Variants in ANAPC16 observed in about 807,000 individuals in gnomAD.
The protein encoded by ANAPC16 is anaphase promoting complex subunit 16.
Under a neutral mutation model 13.1 loss-of-function variants are expected in ANAPC16, and 6 were observed. That is an observed-to-expected ratio of 0.46 (90% CI 0.25 to 0.90). The LOEUF is 0.90. ANAPC16 is among the 40% of genes least tolerant of loss of function. The probability of loss-of-function intolerance (pLI) is 0.18; values close to 1 mark genes in which losing one functional copy is unlikely to be tolerated. For synonymous variants in ANAPC16, 55 were observed against 51.3 expected (o/e 1.07, Z -0.31); for missense variants, 113 against 131.1 (o/e 0.86, Z 0.67).
rs1243609013 is a variant in ANAPC16, at chr10:72,234,881, T to G, written c.*1765T>G. The stretch of plus-strand genomic sequence containing the variant: ...AAAGCAAATTGGAGACTGGGCACAG[T>G]GGCTCCCACCTTTAATCCCAGCACC... On this transcript the variant is annotated 3_prime_UTR_variant, in exon 4 of 4. Coordinates refer to ENST00000299381, the MANE Select transcript of ANAPC16 (RefSeq NM_173473.4). The G allele has an allele frequency of 6.6e-6, 1 of 152,212 alleles. No individual in the cohort carries two copies. Among genetic ancestry groups the G allele is most frequent in the African/African-American group, 2.4e-5 (1 of 41,456 alleles). The allele number at this position is 152,212 out of a possible 1,614,324, so 9.4% of individuals were successfully genotyped here.
intron 1 of ANAPC16, among the ~76,000 whole-genome samples, chr10:72,218,157 AAAAAAAAAATATAT>A (rs1333840639): frequency 1.6e-4 from 8 of 50,268 alleles, no homozygotes; most frequent in East Asian, 5.6e-4. Context: ...AAAAAAAAAA[AAAAAAAAAATATAT>A]ATATATATAT....
At chr10:72,223,861 C>G in intron 1 of ANAPC16, 27 bp from the exon 2 acceptor site, 3 of 1,464,504 alleles carry the variant, frequency 2.0e-6, no homozygotes, top group Non-Finnish European at 2.8e-6. Context: ...CATAAACTTG[C>G]CAATTGCTGT....
rs567973372 is a variant in ANAPC16 at position 72,235,559 on chromosome 10, G to A, written c.*2443G>A. 6.6e-5 allele frequency: 10 copies of A among 152,216 alleles called. No individual in the cohort carries two copies. Among genetic ancestry groups the A allele is most frequent in the South Asian group, 6.2e-4 (3 of 4,824 alleles). The allele number at this position is 152,216 out of a possible 1,614,324, so 9.4% of individuals were successfully genotyped here. A position where few individuals can be genotyped will look rare whatever the true frequency, so the allele number is the denominator to read the frequency against. On this transcript the variant is annotated 3_prime_UTR_variant, in exon 4 of 4. Coordinates refer to ENST00000299381, the MANE Select transcript of ANAPC16 (RefSeq NM_173473.4). ...CTTAACTAAAAGAAGTTCCATATTC[G>A]ACAGCATTTTAGTTTTTTAATAGTA... is the stretch of plus-strand genomic sequence containing the variant.
In ANAPC16 at chr10:72,233,473, G is replaced by C. The variant is rs990997984; in HGVS notation, c.*357G>C. 5.6e-6 allele frequency: 1 copy of C among 178,104 alleles called. No individual in the cohort carries two copies. Among genetic ancestry groups the C allele is most frequent in the African/African-American group, 2.4e-5 (1 of 42,504 alleles). The allele number at this position is 178,104 out of a possible 1,614,324, so 11.0% of individuals were successfully genotyped here. On this transcript the variant is annotated 3_prime_UTR_variant, in exon 4 of 4. Coordinates refer to ENST00000299381, the MANE Select transcript of ANAPC16 (RefSeq NM_173473.4). The stretch of plus-strand genomic sequence containing the variant: ...TGTCCTGTCATCCATATGGTGCCTG[G>C]AAATATTTACCAGTCAAGGTCAAGG...
chr10:72,226,520 A>G (rs1183268427), intron 2 of ANAPC16, among the ~76,000 whole-genome samples: 3 of 152,044 alleles, frequency 2.0e-5, no homozygotes, highest in Admixed American at 6.6e-5. Context: ...GAAAAAATAG[A>G]AAATTAGCTG....
intron 1 of ANAPC16, among the ~76,000 whole-genome samples, chr10:72,218,162 AAAAATATATATATATATATATATATAT>A (rs1859696114): frequency 2.0e-4 from 6 of 29,290 alleles, no homozygotes; most frequent in African/African-American, 2.8e-4. Flanking sequence ...AAAAAAAAAA[AAAAATATATATATATATATATATATAT>A]ATATATATAT....
Position 72,224,005 on chromosome 10 carries a change from C to T in ANAPC16, c.91C>T (p.Pro31Ser). The change falls in exon 2 of 4, where the codon CCA becomes TCA. Residue 31 changes from proline (P) to serine (S), a missense_variant. Pro to Ser is a moderately conservative substitution (Grantham distance 74). Coordinates refer to ENST00000299381, the MANE Select transcript of ANAPC16 (RefSeq NM_173473.4). ...TTTCAGTGTCTCAGACCTTGCCCCA[C>T]CACGGAAAGCCCTTTTCACCTACCC... Reference protein sequence around the residue: ...SGFSVSDLAPPRKALFTYPKG... With the variant: ...SGFSVSDLAPSRKALFTYPKG... The T allele has an allele frequency of 6.2e-7, 1 of 1,611,962 alleles. No homozygotes were observed. Among genetic ancestry groups the T allele is most frequent in the Non-Finnish European group, 8.5e-7 (1 of 1,178,318 alleles).
At chr10:72,221,207 G>A (rs937381225) in intron 1 of ANAPC16, among the ~76,000 whole-genome samples, 2 of 152,102 alleles carry the variant, frequency 1.3e-5, no homozygotes, top group African/African-American at 4.8e-5. Flanking sequence ...TTAGCCACCA[G>A]CCTGCAATCC....
At chr10:72,218,143 C>T (rs1327961197) in intron 1 of ANAPC16, among the ~76,000 whole-genome samples, 3 of 60,556 alleles carry the variant, frequency 5.0e-5, no homozygotes, top group African/African-American at 4.3e-4. Flanking sequence ...GAAACTCTGT[C>T]TCAAAAAAAA....
At chr10:72,231,899 A>G (rs1324948880) in intron 3 of ANAPC16, among the ~76,000 whole-genome samples, 1 of 152,172 alleles carries the variant, frequency 6.6e-6, no homozygotes, top group East Asian at 1.9e-4. Context: ...TAAAAAAAAA[A>G]AAATAGGCCG....
Position 72,224,027 on chromosome 10 carries a change from A to G in ANAPC16, c.113A>G (p.Tyr38Cys). ...LAPPRKALFTYPKGAGEMLED... is the reference protein window; with the variant it reads ...LAPPRKALFTCPKGAGEMLED... Reference sequence around the variant, plus strand: ...CCACCACGGAAAGCCCTTTTCACCTACCCCAAAGGAGCTGGAGAGATGTTA... The same window carrying G: ...CCACCACGGAAAGCCCTTTTCACCTGCCCCAAAGGAGCTGGAGAGATGTTA... Residue 38 changes from tyrosine to cysteine, a missense_variant, in exon 2 of 4, where the codon TAC becomes TGC. Coordinates refer to ENST00000299381, the MANE Select transcript of ANAPC16 (RefSeq NM_173473.4). The G allele has an allele frequency of 6.2e-7, 1 of 1,610,268 alleles. No homozygotes were observed. The highest frequency in any genetic ancestry group is 1.7e-4 in the Middle Eastern group (1 of 6,036).
Position 72,233,279 on chromosome 10 carries a change from A to G in ANAPC16, c.*163A>G. The G allele has an allele frequency of 1.8e-6, 1 of 559,844 alleles. No individual in the cohort carries two copies. The highest frequency in any genetic ancestry group is 2.8e-5 in the East Asian group (1 of 35,262). 34.7% of individuals were successfully genotyped at this position (559,844 alleles called of 1,614,324 possible). A position where few individuals can be genotyped will look rare whatever the true frequency, so the allele number is the denominator to read the frequency against. On this transcript the variant is annotated 3_prime_UTR_variant, in exon 4 of 4. Transcript: ENST00000299381. ...ATCTATTCACAGGCAACAAATACTT[A>G]TATGTGTGATCTTTCAGGGAATGTT... is the stretch of plus-strand genomic sequence containing the variant.
At position 72,217,965 on chromosome 10, in the gene ANAPC16, C is replaced by G. The variant is rs548053998; in HGVS notation, c.-28+1827C>G. ...TATCCCAAAACCTGAAAAAAAAATC[C>G]GAAATCCAGAATACTTCCAAGTCCC... On this transcript the variant is annotated intron_variant, in intron 1 of 3. Transcript: ENST00000299381. Among the ~76,000 whole-genome samples the G allele has an allele frequency of 2.7e-5, 4 of 150,770 alleles. No individual in the cohort carries two copies. The South Asian group carries it at 8.4e-4, about 32-fold the overall frequency.
intron 3 of ANAPC16, among the ~76,000 whole-genome samples, chr10:72,232,272 C>T (rs1860338215): frequency 6.7e-6 from 1 of 150,240 alleles, no homozygotes; most frequent in Non-Finnish European, 1.5e-5. Flanking sequence ...GGGTCGGGCA[C>T]AGTGGCTCAC....
At position 72,227,495 on chromosome 10, in the gene ANAPC16, A is replaced by C. The variant is rs559824152; in HGVS notation, c.143-2871A>C. Among the ~76,000 whole-genome samples the C allele has an allele frequency of 5.3e-5, 8 of 152,296 alleles. No homozygotes were observed. In the South Asian group the frequency reaches 1.7e-3, roughly 32 times the overall value. ...TAAAAAGATTAAGATAATCTTTAAA[A>C]ATCTAAAATCTTAAGAATATAAAGA... On this transcript the variant is annotated intron_variant, in intron 2 of 3. Coordinates refer to ENST00000299381, the MANE Select transcript of ANAPC16 (RefSeq NM_173473.4).
chr10:72,228,499 A>G (rs918720821), intron 2 of ANAPC16, among the ~76,000 whole-genome samples: 1 of 152,136 alleles, frequency 6.6e-6, no homozygotes, highest in Non-Finnish European at 1.5e-5. Context: ...GATTTGGGTA[A>G]TTTACTAAAC....
chr10:72,225,558 G>C (rs1473403303), intron 2 of ANAPC16, among the ~76,000 whole-genome samples: 1 of 152,038 alleles, frequency 6.6e-6, no homozygotes, highest in Non-Finnish European at 1.5e-5. Flanking sequence ...CTCCAGCCTG[G>C]GTGACAGAAT....
chr10:72,219,579 TAAAC>T (rs1256474624), intron 1 of ANAPC16, among the ~76,000 whole-genome samples: 3 of 151,892 alleles, frequency 2.0e-5, no homozygotes, highest in African/African-American at 7.3e-5. Flanking sequence ...CTACAAAAAA[TAAAC>T]AAAATTAGTG....
intron 3 of ANAPC16, among the ~76,000 whole-genome samples, 176 bp from the exon 4 acceptor site, chr10:72,232,825 C>T (rs1203621757): frequency 6.6e-6 from 1 of 151,900 alleles, no homozygotes; most frequent in African/African-American, 2.4e-5. Context: ...AGGATGGTCT[C>T]GATCTCTTGA....
Sources: gnomAD v4.1 joint callset for allele counts (sites outside exome capture counted in the v4.1 genomes callset) on GRCh38, gnomAD v4.1.1 for gene constraint, MANE v1.5 for transcripts, NCBI Gene and HGNC (gene_info 2026-07-23, HGNC 2026-07-21) for gene names.